ZNF678: variants seen among roughly 807,000 people sequenced by gnomAD.
ZNF678 encodes hypothetical protein MGC42493.
In ZNF678, 5 loss-of-function variants were observed where a neutral mutation model predicts 3.0. The observed-to-expected ratio is 1.69, with a 90% CI of 0.88 to 3.56. The LOEUF (loss-of-function observed/expected upper bound fraction) is 3.56. ZNF678 is among the 30% of genes most tolerant of loss of function. The probability of loss-of-function intolerance (pLI) is 0.00; values close to 1 mark genes in which losing one functional copy is unlikely to be tolerated. For missense variants in ZNF678, 593 were observed against 605.0 expected (o/e 0.98, Z 0.21); for synonymous variants, 218 against 199.6 (o/e 1.09, Z -0.78).
chr1:227,598,919 T>A, intron 1 of ZNF678: 1 of 742,070 alleles, frequency 1.3e-6, no homozygotes, highest in Non-Finnish European at 2.4e-6. Flanking sequence ...TAACAATTTC[T>A]CCCTGTCTCT....
At chr1:227,591,864 A>T (rs1013848363) in intron 1 of ZNF678, among the ~76,000 whole-genome samples, 15 of 152,188 alleles carry the variant, frequency 9.9e-5, no homozygotes, top group African/African-American at 3.1e-4. Context: ...GAGGAAGGTC[A>T]GTTGAAGTCC....
At chr1:227,671,103 A>T in intron 5 of ZNF678, among the ~76,000 whole-genome samples, 1 of 131,024 alleles carries the variant, frequency 7.6e-6, no homozygotes. Context: ...TTAAGACAGG[A>T]TCTCACTCTG....
chr1:227,619,998 C>G (rs557225083), intron 1 of ZNF678, among the ~76,000 whole-genome samples: 1 of 152,120 alleles, frequency 6.6e-6, no homozygotes, highest in East Asian at 1.9e-4. Flanking sequence ...AAATAAATCA[C>G]AGGTCAGAAC....
At chr1:227,581,340 A>T (rs1456502077) in intron 1 of ZNF678, among the ~76,000 whole-genome samples, 2 of 152,056 alleles carry the variant, frequency 1.3e-5, no homozygotes, top group African/African-American at 4.8e-5. Context: ...CATTAAAAAG[A>T]GGAATAAAGA....
chr1:227,604,468 C>T (rs1657815186), intron 1 of ZNF678, among the ~76,000 whole-genome samples: 1 of 152,196 alleles, frequency 6.6e-6, no homozygotes, highest in African/African-American at 2.4e-5. Flanking sequence ...TCACTGCTGC[C>T]TCCACCTCCC....
chr1:227,624,546 C>T (rs936338933), intron 1 of ZNF678, among the ~76,000 whole-genome samples: 5 of 152,146 alleles, frequency 3.3e-5, no homozygotes, highest in Non-Finnish European at 5.9e-5. Context: ...TTAGAGCTCC[C>T]GAGATGGTGG....
At chr1:227,592,761 T>C (rs776932129) in intron 1 of ZNF678, among the ~76,000 whole-genome samples, 4 of 152,366 alleles carry the variant, frequency 2.6e-5, no homozygotes, top group African/African-American at 4.8e-5. Context: ...GGGCTTCTCT[T>C]GCTTTACGAT....
intron 1 of ZNF678, among the ~76,000 whole-genome samples, chr1:227,608,086 G>A (rs866997576): frequency 6.6e-6 from 1 of 151,758 alleles, no homozygotes; most frequent in Non-Finnish European, 1.5e-5. Flanking sequence ...AAAGTTTAAG[G>A]CTCCAAAAGT....
rs140195551 is a variant in ZNF678 at position 227,668,229 on chromosome 1, A to G, written c.227-8950A>G. On this transcript the variant is annotated intron_variant, in intron 5 of 5. Coordinates refer to the ZNF678 transcript ENST00000608949. The stretch of plus-strand genomic sequence containing the variant: ...AATTGTGAATATATCCATAGGTTTC[A>G]TAATAGTTTAGCCTGTTGATACCAG... Among the ~76,000 whole-genome samples, 16 of 152,342 alleles carry G rather than the reference A, an allele frequency of 1.1e-4. No individual in the cohort carries two copies. The East Asian group carries it at 2.9e-3, about 28-fold the overall frequency.
chr1:227,624,342 A>G (rs1225134564), intron 1 of ZNF678, among the ~76,000 whole-genome samples: 1 of 152,222 alleles, frequency 6.6e-6, no homozygotes, highest in Non-Finnish European at 1.5e-5. Flanking sequence ...AACTATCTAC[A>G]TAAAAAAGCA....
rs558382101 is a variant in ZNF678 at position 227,658,512 on chromosome 1, A to G, written c.*2684A>G. 2 of 152,156 alleles carry G rather than the reference A, an allele frequency of 1.3e-5. No homozygotes were observed. Among genetic ancestry groups the G allele is most frequent in the East Asian group, 3.9e-4 (2 of 5,184 alleles). The allele number at this position is 152,156 out of a possible 1,614,324, so 9.4% of individuals were successfully genotyped here. ...GAGGAATTGTGTTTATTTCATAGTT[A>G]TCTCTGGTACTTCACTGTTATTTTA... is the stretch of plus-strand genomic sequence containing the variant. On this transcript the variant is annotated 3_prime_UTR_variant, in exon 4 of 4. Transcript: ENST00000343776.
chr1:227,602,426 A>G (rs16847987), intron 1 of ZNF678, among the ~76,000 whole-genome samples: 2,543 of 152,304 alleles, frequency 0.017, 59 homozygotes, highest in South Asian at 0.058. Context: ...CACATAAGTA[A>G]AATATTTCAC....
chr1:227,665,778 T>G (rs1479801053), downstream of ZNF678, among the ~76,000 whole-genome samples: 1 of 152,252 alleles, frequency 6.6e-6, no homozygotes, highest in East Asian at 1.9e-4. Context: ...TTCTATTTTG[T>G]GGATTATCTT....
intron 3 of ZNF678, 145 bp from the exon 4 acceptor site, chr1:227,654,191 A>C: frequency 1.4e-6 from 1 of 692,884 alleles, no homozygotes; most frequent in Non-Finnish European, 2.1e-6. Flanking sequence ...TGTTAAGTTT[A>C]TATGTTCAAA....
chr1:227,583,683 A>G (rs1481615643), intron 1 of ZNF678, among the ~76,000 whole-genome samples: 1 of 152,244 alleles, frequency 6.6e-6, no homozygotes, highest in Non-Finnish European at 1.5e-5. Flanking sequence ...AAAGGAGACC[A>G]AGTGCATGCC....
chr1:227,637,568 G>A (rs1658711214), intron 1 of ZNF678, among the ~76,000 whole-genome samples: 2 of 152,184 alleles, frequency 1.3e-5, no homozygotes, highest in South Asian at 4.1e-4. Flanking sequence ...GCAACTCCAT[G>A]CTGTTCATCG....
In ZNF678 at chr1:227,659,012, A is replaced by C. The variant is rs991028264; in HGVS notation, c.*3184A>C. 3 of 152,044 alleles carry C rather than the reference A, an allele frequency of 2.0e-5. No individual in the cohort carries two copies. The highest frequency in any genetic ancestry group is 2.9e-5 in the Non-Finnish European group (2 of 67,960). 9.4% of individuals were successfully genotyped at this position (152,044 alleles called of 1,614,324 possible). ...CTTAATGGCAAGCAAAAAAGTTTAA[A>C]TTTAGTTTTTTATAAATTACATATA... is the stretch of plus-strand genomic sequence containing the variant. On this transcript the variant is annotated 3_prime_UTR_variant, in exon 4 of 4. Coordinates refer to ENST00000343776, the MANE Select transcript of ZNF678 (RefSeq NM_001367909.1).
rs917911763 is a variant in ZNF678, at chr1:227,657,965, A to C, written c.*2137A>C. The C allele has an allele frequency of 6.6e-6, 1 of 151,954 alleles. No individual in the cohort carries two copies. The highest frequency in any genetic ancestry group is 2.4e-5 in the African/African-American group (1 of 41,432). 9.4% of individuals were successfully genotyped at this position (151,954 alleles called of 1,614,324 possible). On this transcript the variant is annotated 3_prime_UTR_variant, in exon 4 of 4. Transcript: ENST00000343776. Reference sequence around the variant, plus strand: ...CTGTTGATCATACTAAACCTAATGTATAGTTTTCTCATTCCAAAGTTCATG... The same window carrying C: ...CTGTTGATCATACTAAACCTAATGTCTAGTTTTCTCATTCCAAAGTTCATG...
rs1425441017 is a variant in ZNF678, at chr1:227,657,074, T to A, written c.*1246T>A. ...TCATGTTGAAATGTGTTCCCCCATG[T>A]TGGAGGCGGGGTCTAGTGGAAGGTG... On this transcript the variant is annotated 3_prime_UTR_variant, in exon 4 of 4. Transcript: ENST00000343776. 1 of 151,898 alleles carries A rather than the reference T, an allele frequency of 6.6e-6. No individual in the cohort carries two copies. The highest frequency in any genetic ancestry group is 1.5e-5 in the Non-Finnish European group (1 of 67,884). 9.4% of individuals were successfully genotyped at this position (151,898 alleles called of 1,614,324 possible).
Sources: gnomAD v4.1 joint callset for allele counts (sites outside exome capture counted in the v4.1 genomes callset) on GRCh38, gnomAD v4.1.1 for gene constraint, MANE v1.5 for transcripts, NCBI Gene and HGNC (gene_info 2026-07-23, HGNC 2026-07-21) for gene names.